The following MDN1 variants were observed in gnomAD, a reference collection of about 807,000 sequenced individuals.
The protein encoded by MDN1 is midasin AAA ATPase 1, also known as midasin.
A neutral mutation model predicts 669.2 loss-of-function variants in MDN1; 266 were observed. That is an observed-to-expected ratio of 0.40 (90% confidence interval 0.36 to 0.44). The LOEUF (loss-of-function observed/expected upper bound fraction) is 0.44. Among genes scored for constraint, MDN1 ranks in the 20% least tolerant of loss-of-function variants. MDN1 has a pLI of 1.00. For synonymous variants in MDN1, 2,385 were observed against 2,457.1 expected (o/e 0.97, Z 0.87); for missense variants, 5,940 against 6,754.0 (o/e 0.88, Z 4.22).
At chr6:89,664,696 A>C (rs938268665) in intron 84 of MDN1, 68 bp from the exon 85 acceptor site, 7 of 1,304,036 alleles carry the variant, frequency 5.4e-6, no homozygotes, top group Middle Eastern at 1.9e-4. Context: ...TGTGAGATAT[A>C]AATGCCAAGG....
chr6:89,767,214 A>G (rs1584340739), intron 15 of MDN1, among the ~76,000 whole-genome samples: 2 of 152,314 alleles, frequency 1.3e-5, no homozygotes, highest in East Asian at 3.9e-4. Flanking sequence ...GAGGGTCTAC[A>G]TGCTGCTTAC....
rs781578097 is a variant in MDN1 at position 89,774,601 on chromosome 6, T to C, written c.1934+20A>G. On this transcript the variant is annotated intron_variant, in intron 13 of 101. Transcript: ENST00000369393. ...TCTGGAAACCCCACAGTTGGCAGCT[T>C]AGTTTAGAGCCCTACTTACCTCTGT... 13 of 1,577,846 alleles carry C rather than the reference T, an allele frequency of 8.2e-6. No homozygotes were observed. In the East Asian group the frequency reaches 2.7e-4, roughly 33 times the overall value.
At chr6:89,772,814 G>A in intron 13 of MDN1, 93 bp from the exon 14 acceptor site, 1 of 1,400,166 alleles carries the variant, frequency 7.1e-7, no homozygotes, top group South Asian at 1.3e-5. Flanking sequence ...CAACAACAAG[G>A]ATGAGAAAAC....
intron 57 of MDN1, 50 bp downstream of exon 57, chr6:89,700,013 A>G (rs1813035766): frequency 6.6e-7 from 1 of 1,518,562 alleles, no homozygotes; most frequent in Non-Finnish European, 9.1e-7. Context: ...TACACAGAAT[A>G]ATCAAGAAAA....
chr6:89,754,076 G>A lies in MDN1; in HGVS notation c.2964+7C>T. ...CTCATATCCAGTCAAAGAGACTTCAGAAAGACCTCATAGAGTGAGCGCTGA... is the reference window on the plus strand; with the variant it reads ...CTCATATCCAGTCAAAGAGACTTCAAAAAGACCTCATAGAGTGAGCGCTGA... On this transcript the variant is annotated splice_region_variant and intron_variant, in intron 21 of 101. Coordinates refer to ENST00000369393, the MANE Select transcript of MDN1 (RefSeq NM_014611.3). The A allele has an allele frequency of 6.2e-7, 1 of 1,612,578 alleles. No individual in the cohort carries two copies. Among genetic ancestry groups the A allele is most frequent in the Non-Finnish European group, 8.5e-7 (1 of 1,179,454 alleles).
At chr6:89,708,689 AG>A in intron 50 of MDN1, 61 bp from the exon 51 acceptor site, 1 of 1,557,666 alleles carries the variant, frequency 6.4e-7, no homozygotes, top group South Asian at 1.1e-5. Context: ...TTGCCTGGGA[AG>A]TTTCAGTTGA....
At chr6:89,650,345 CT>C in intron 96 of MDN1, 147 bp from the exon 97 acceptor site, 1 of 766,924 alleles carries the variant, frequency 1.3e-6, no homozygotes, top group East Asian at 2.7e-5. Flanking sequence ...CAATTGACGA[CT>C]AAGGATCTTC....
At chr6:89,775,208 A>G (rs1194928748) in intron 12 of MDN1, among the ~76,000 whole-genome samples, 4 of 152,218 alleles carry the variant, frequency 2.6e-5, no homozygotes, top group African/African-American at 7.2e-5. Flanking sequence ...CAAAGAACAC[A>G]GATTTTGTTC....
At chr6:89,759,542 T>C (rs1817426712) in intron 17 of MDN1, among the ~76,000 whole-genome samples, 1 of 152,160 alleles carries the variant, frequency 6.6e-6, no homozygotes, top group South Asian at 2.1e-4. Flanking sequence ...GGTGGGCGGA[T>C]CACTGGAGGT....
chr6:89,664,534 G>A lies in MDN1; in HGVS notation c.14189C>T (p.Ser4730Leu), dbSNP rs768513143. 1.5e-5 allele frequency: 24 copies of A among 1,613,826 alleles called. No individual in the cohort carries two copies. The highest frequency in any genetic ancestry group is 2.7e-5 in the African/African-American group (2 of 74,902). Residue 4730 changes from serine (S) to leucine (L), a missense_variant, in exon 85 of 102, where the codon TCG becomes TTG. Physicochemically the swap from Ser to Leu is moderately radical, Grantham distance 145 (BLOSUM62 -2). Coordinates refer to ENST00000369393, the MANE Select transcript of MDN1 (RefSeq NM_014611.3). ...IKGEDNAIEM[S>L]EDFDGKMHDG... ...ATGCATTTTCCCATCAAAATCTTCC[G>A]ACATCTCAATGGCATTATCCTCGCC... is the stretch of plus-strand genomic sequence containing the variant.
chr6:89,749,671 C>A lies in MDN1; in HGVS notation c.3487G>T (p.Ala1163Ser). ...LNLAPTDVLE[A>S]LNRLLDDNRE... Reference sequence around the variant, plus strand: ...TTATCATCCAACAGCCTATTCAGCGCCTCTAACACATCAGTAGGGGCCAAA... The same window carrying A: ...TTATCATCCAACAGCCTATTCAGCGACTCTAACACATCAGTAGGGGCCAAA... Residue 1163 changes from alanine to serine, a missense_variant, in exon 25 of 102, where the codon GCG (alanine) becomes TCG (serine). By Grantham distance (99) the Ala-to-Ser change is moderately conservative. Coordinates refer to ENST00000369393, the MANE Select transcript of MDN1 (RefSeq NM_014611.3). The A allele has an allele frequency of 1.2e-6, 2 of 1,614,104 alleles. No homozygotes were observed. The highest frequency in any genetic ancestry group is 2.2e-5 in the South Asian group (2 of 91,084).
intron 27 of MDN1, among the ~76,000 whole-genome samples, chr6:89,746,853 A>G (rs1415389215): frequency 1.3e-5 from 2 of 152,218 alleles, no homozygotes; most frequent in Non-Finnish European, 2.9e-5. Flanking sequence ...AACACTGTGT[A>G]TCCTATCACA....
chr6:89,762,397 G>A lies in MDN1; in HGVS notation c.2278C>T (p.Arg760Trp), dbSNP rs773314424. ...GHIQTCYRQK[R>W]WHDLLRLMQH... ...ATTAGTCTCAGGAGATCATGCCACC[G>A]TTTCTGTCTGTAACAGGTCTGAATG... is the stretch of plus-strand genomic sequence containing the variant. Residue 760 changes from arginine (R) to tryptophan (W), a missense_variant, in exon 16 of 102, where the codon CGG becomes TGG. Arg to Trp is a moderately radical substitution (Grantham distance 101). Coordinates refer to ENST00000369393, the MANE Select transcript of MDN1 (RefSeq NM_014611.3). 5.6e-6 allele frequency: 9 copies of A among 1,613,958 alleles called. No individual in the cohort carries two copies. Among genetic ancestry groups the A allele is most frequent in the Middle Eastern group, 1.6e-4 (1 of 6,084 alleles).
intron 101 of MDN1, 49 bp from the exon 102 acceptor site, chr6:89,644,242 A>T: frequency 6.8e-7 from 1 of 1,462,284 alleles, no homozygotes; most frequent in Non-Finnish European, 9.3e-7. Context: ...TTAAACCAGC[A>T]TCCTTAGCTA....
In MDN1 at chr6:89,677,697, C is replaced by T. The variant is rs1198174625; in HGVS notation, c.12413-1G>A. The T allele has an allele frequency of 6.2e-7, 1 of 1,614,006 alleles. No individual in the cohort carries two copies. Among genetic ancestry groups the T allele is most frequent in the Non-Finnish European group, 8.5e-7 (1 of 1,179,966 alleles). On this transcript the variant is annotated splice_acceptor_variant, in intron 75 of 101. Coordinates refer to ENST00000369393, the MANE Select transcript of MDN1 (RefSeq NM_014611.3). LOFTEE classifies it high-confidence loss of function. ...GCAAGACCTTTGCGATACGACAAAC[C>T]TAGGAAATAAACAGCATTTCTTTAA...
intron 62 of MDN1, among the ~76,000 whole-genome samples, chr6:89,693,652 T>C (rs1812528153): frequency 6.6e-6 from 1 of 152,156 alleles, no homozygotes; most frequent in Non-Finnish European, 1.5e-5. Flanking sequence ...AGATCCGGGA[T>C]GCTCAACTGG....
In MDN1 at chr6:89,753,466, T is replaced by C. The variant is rs867894120; in HGVS notation, c.3075+46A>G. 9 of 1,417,276 alleles carry C rather than the reference T, an allele frequency of 6.4e-6. No homozygotes were observed. The Middle Eastern group carries it at 1.6e-3, about 258-fold the overall frequency. The allele number at this position is 1,417,276 out of a possible 1,614,324, so 87.8% of individuals were successfully genotyped here. On this transcript the variant is annotated intron_variant, in intron 22 of 101. Transcript: ENST00000369393. Reference sequence around the variant, plus strand: ...AACCAAACAGCTGAAAATTTGGTAATTCAGCCTTTCAAGTGTAACAAGTCA... The same window carrying C: ...AACCAAACAGCTGAAAATTTGGTAACTCAGCCTTTCAAGTGTAACAAGTCA...
Position 89,653,070 on chromosome 6 carries a change from T to C in MDN1, c.15747A>G (p.Thr5249=). 6.2e-7 allele frequency: 1 copy of C among 1,614,214 alleles called. No homozygotes were observed. The highest frequency in any genetic ancestry group is 1.3e-5 in the African/African-American group (1 of 75,066). Residue 5249 remains threonine (T), a synonymous_variant, in exon 94 of 102, where the codon ACA becomes ACG. Transcript: ENST00000369393. ...GGCTTCTTTCTGGTTTCTCATTTTC[T>C]GTCTCCTTATGGGCTTTGTCTGTTC... ...DPRTDKAHKE[T]ENEKPERSRE...
chr6:89,809,123 G>A (rs932554583), intron 1 of MDN1, among the ~76,000 whole-genome samples: 4 of 150,108 alleles, frequency 2.7e-5, no homozygotes, highest in South Asian at 2.1e-4. Flanking sequence ...AGGCTGAGGC[G>A]GCAGAAGCAC....
Sources: allele counts gnomAD v4.1 joint callset (sites outside exome capture counted in the v4.1 genomes callset), GRCh38; gene constraint gnomAD v4.1.1; transcripts MANE v1.5; gene names NCBI Gene and HGNC (gene_info 2026-07-23, HGNC 2026-07-21).